Variants in PCDHA2 observed in about 807,000 individuals in gnomAD.
PCDHA2 encodes protocadherin alpha-2.
In PCDHA2, 58 loss-of-function variants were observed where a neutral mutation model predicts 66.0. The observed-to-expected ratio is 0.88, with a 90% CI of 0.71 to 1.09. The LOEUF is 1.09. Among genes scored for constraint, PCDHA2 ranks in the 50% least tolerant of loss-of-function variants. The pLI is 0.00. For synonymous variants in PCDHA2, 634 were observed against 554.0 expected, an observed-to-expected ratio of 1.14 and a Z score of -2.03; for missense variants, 1,267 against 1,242.3, an observed-to-expected ratio of 1.02 and a Z score of -0.30.
chr5:140,825,383 AATAT>A (rs1355293929), intron 1 of PCDHA2: 2 of 143,660 alleles, frequency 1.4e-5, no homozygotes, highest in Non-Finnish European at 3.0e-5. Context: ...TAAAATATCT[AATAT>A]ATATCTAATA....
chr5:140,849,743 G>A lies in PCDHA2; in HGVS notation c.2388+52391G>A, dbSNP rs1554143245. ...TGCTGGACAGAGCTCTGGACCGCGA[G>A]AGTGTGTCCGCCTACGAGCTGGTGG... On this transcript the variant is annotated intron_variant, in intron 1 of 3. Transcript: ENST00000526136. 4 of 1,598,390 alleles carry A rather than the reference G, an allele frequency of 2.5e-6. No individual in the cohort carries two copies. The Admixed American group carries it at 6.7e-5, about 27-fold the overall frequency.
intron 1 of PCDHA2, chr5:140,857,401 G>C: frequency 1.9e-6 from 3 of 1,598,170 alleles, no homozygotes; most frequent in Non-Finnish European, 2.6e-6. Flanking sequence ...ACGACAACGC[G>C]CCTGCGTTCG....
chr5:140,919,795 A>G (rs1554199259), intron 1 of PCDHA2, among the ~76,000 whole-genome samples: 1 of 152,070 alleles, frequency 6.6e-6, no homozygotes, highest in East Asian at 1.9e-4. Context: ...CTTGTGGTGG[A>G]TTGAATTGTG....
Position 140,956,487 on chromosome 5 carries a change from C to G in PCDHA2, c.2389-22462C>G, listed in dbSNP as rs2095287981. The stretch of plus-strand genomic sequence containing the variant: ...GCATATGTTGAACCAGTCTTGCATC[C>G]CAGGGATGAAGCCTACTTGATCATG... On this transcript the variant is annotated intron_variant, in intron 1 of 3. Transcript: ENST00000526136. Among the ~76,000 whole-genome samples, 2 of 152,032 alleles carry G rather than the reference C, an allele frequency of 1.3e-5. 1 individual carries two copies. Among genetic ancestry groups the G allele is most frequent in the Admixed American group, 1.3e-4 (2 of 15,252 alleles).
chr5:140,979,081 G>A, intron 2 of PCDHA2, 74 bp downstream of exon 2: 1 of 1,564,866 alleles, frequency 6.4e-7, no homozygotes, highest in South Asian at 1.2e-5. Flanking sequence ...CATCTCCATA[G>A]GCCAGAAGCA....
chr5:140,874,005 C>T (rs887497526), intron 1 of PCDHA2, among the ~76,000 whole-genome samples: 1 of 152,100 alleles, frequency 6.6e-6, no homozygotes, highest in South Asian at 2.1e-4. Context: ...GTACATTGAC[C>T]ACTTTTGAAA....
intron 1 of PCDHA2, chr5:140,883,644 A>C (rs2059725253): frequency 1.2e-6 from 2 of 1,613,018 alleles, no homozygotes; most frequent in Non-Finnish European, 1.7e-6. Flanking sequence ...GCGCAGCCCG[A>C]GTACACGGTG....
At chr5:140,851,602 G>A in intron 1 of PCDHA2, 1 of 918,032 alleles carries the variant, frequency 1.1e-6, no homozygotes, top group Non-Finnish European at 1.3e-6. Flanking sequence ...TCAGTTTACA[G>A]AAATTGGAGA....
At chr5:140,830,192 A>T in intron 1 of PCDHA2, 2 of 1,613,630 alleles carry the variant, frequency 1.2e-6, no homozygotes, top group Non-Finnish European at 1.7e-6. Flanking sequence ...CGTGTACCTG[A>T]TCATCGCCAT....
At chr5:140,857,501 G>A in intron 1 of PCDHA2, 1 of 1,598,358 alleles carries the variant, frequency 6.3e-7, no homozygotes, top group Non-Finnish European at 8.6e-7. Context: ...GGACGCGCAG[G>A]AGAACGCCCT....
chr5:140,966,385 G>C (rs1486179807), intron 1 of PCDHA2: 1 of 405,050 alleles, frequency 2.5e-6, no homozygotes, highest in East Asian at 3.6e-5. Flanking sequence ...CGGGTTCGCT[G>C]TCCGCCACTT....
Position 140,835,309 on chromosome 5 carries a change from A to G in PCDHA2, c.2388+37957A>G, listed in dbSNP as rs2150233650. On this transcript the variant is annotated intron_variant, in intron 1 of 3. Coordinates refer to ENST00000526136, the MANE Select transcript of PCDHA2 (RefSeq NM_018905.3). ...GCAATCACAGTGATAGGACATATGG[A>G]TTTTGAAGAAAGTAGAGCACACAAG... 9.3e-6 allele frequency: 15 copies of G among 1,612,924 alleles called. No homozygotes were observed. The African/African-American group carries it at 1.9e-4, about 20-fold the overall frequency.
At chr5:140,876,324 T>A in intron 1 of PCDHA2, 1 of 1,614,000 alleles carries the variant, frequency 6.2e-7, no homozygotes, top group Non-Finnish European at 8.5e-7. Context: ...TCAAAATGAT[T>A]TTGCCAGTGA....
At chr5:140,945,206 A>G (rs148955371) in intron 1 of PCDHA2, among the ~76,000 whole-genome samples, 1 of 152,282 alleles carries the variant, frequency 6.6e-6, no homozygotes, top group East Asian at 1.9e-4. Context: ...TACAATAGCT[A>G]TGAGAAAATA....
At position 140,870,413 on chromosome 5, in the gene PCDHA2, C is replaced by G. The variant is rs200037363; in HGVS notation, c.2388+73061C>G. ...GGGGGTTCGCCTTCTCTGTGGGCCA[C>G]GGCCAGGGTATCCGTGGAGGTGGCC... On this transcript the variant is annotated intron_variant, in intron 1 of 3. Transcript: ENST00000526136. The G allele has an allele frequency of 7.6e-5, 123 of 1,614,124 alleles. No individual in the cohort carries two copies. In the African/African-American group the frequency reaches 1.6e-3, roughly 21 times the overall value.
intron 1 of PCDHA2, among the ~76,000 whole-genome samples, chr5:140,941,077 G>C (rs2092726978): frequency 6.6e-6 from 1 of 152,068 alleles, no homozygotes; most frequent in South Asian, 2.1e-4. Context: ...CTGGAGAGTA[G>C]GTGGGTTTAG....
rs2126667255 is a variant in PCDHA2 at position 140,815,841 on chromosome 5, T to G, written c.2388+18489T>G. The G allele has an allele frequency of 8.5e-5, 13 of 152,338 alleles. No individual in the cohort carries two copies. The South Asian group carries it at 2.7e-3, about 32-fold the overall frequency. 9.4% of individuals were successfully genotyped at this position (152,338 alleles called of 1,614,324 possible). Reference sequence around the variant, plus strand: ...CTTTTTCATTTTTGAAGACAAACTTTGGTGGATTTGGTATTCTTGGCTGGC... The same window carrying G: ...CTTTTTCATTTTTGAAGACAAACTTGGGTGGATTTGGTATTCTTGGCTGGC... On this transcript the variant is annotated intron_variant, in intron 1 of 3. Coordinates refer to ENST00000526136, the MANE Select transcript of PCDHA2 (RefSeq NM_018905.3).
At chr5:140,802,232 T>C (rs1554121962) in intron 1 of PCDHA2, 3 of 1,614,226 alleles carry the variant, frequency 1.9e-6, no homozygotes, top group Non-Finnish European at 2.5e-6. Context: ...ACATCAATGA[T>C]AATGTACCTG....
rs571694728 is a variant in PCDHA2, at chr5:140,949,343, CTG to C, written c.2389-29602_2389-29601del. Among the ~76,000 whole-genome samples the C allele has an allele frequency of 8.0e-4, 121 of 151,818 alleles. 1 individual carries two copies. Among genetic ancestry groups the C allele is most frequent in the Admixed American group, 3.5e-3 (54 of 15,258 alleles). On this transcript the variant is annotated intron_variant, in intron 1 of 3. Transcript: ENST00000526136. ...TATAAATTATTGTTATCCAGATTTT[CTG>C]TGTCTTTATTTTTTTGTCTAGTTGT...
Sources: gnomAD v4.1 joint callset for allele counts (sites outside exome capture counted in the v4.1 genomes callset) on GRCh38, gnomAD v4.1.1 for gene constraint, MANE v1.5 for transcripts, NCBI Gene and HGNC (gene_info 2026-07-23, HGNC 2026-07-21) for gene names.